The following VGLL4 variants were observed in gnomAD, a reference collection of about 807,000 sequenced individuals.
The protein encoded by VGLL4 is transcription cofactor vestigial-like protein 4.
Under a neutral mutation model 21.0 loss-of-function variants are expected in VGLL4, and 7 were observed. The ratio of observed to expected loss-of-function variants is 0.33; its 90% CI spans 0.19 to 0.63. VGLL4 has a LOEUF of 0.63. Ranked by LOEUF, VGLL4 falls within the 20% of genes least tolerant of loss-of-function variation. VGLL4 has a pLI of 0.78. For synonymous variants in VGLL4, 222 were observed against 173.2 expected (o/e 1.28, Z -2.21); for missense variants, 394 against 425.7 (o/e 0.93, Z 0.66).
At chr3:11,703,001 C>G in exon 2 of VGLL4, 1 of 1,612,998 alleles carries the variant, frequency 6.2e-7, no homozygotes, top group Non-Finnish European at 8.5e-7. Flanking sequence ...ACCAGAGATG[C>G]TGCCCTGGAC....
At chr3:11,711,979 T>C (rs895169712) in intron 1 of VGLL4, among the ~76,000 whole-genome samples, 4 of 152,104 alleles carry the variant, frequency 2.6e-5, no homozygotes, top group African/African-American at 7.2e-5. Flanking sequence ...CTCTTTCTCC[T>C]CCCCAGAGTG....
chr3:11,686,101 C>A (rs1040076365), intron 2 of VGLL4, among the ~76,000 whole-genome samples: 7 of 152,126 alleles, frequency 4.6e-5, no homozygotes, highest in Non-Finnish European at 1.0e-4. Context: ...ATGGTCCAGT[C>A]TCTATGGAAA....
intron 2 of VGLL4, among the ~76,000 whole-genome samples, chr3:11,692,527 C>T (rs1056967600): frequency 4.6e-5 from 7 of 152,148 alleles, no homozygotes; most frequent in East Asian, 1.9e-4. Context: ...AGAACAGAAA[C>T]ATCAGTGCTT....
intron 1 of VGLL4, among the ~76,000 whole-genome samples, chr3:11,643,190 T>C (rs1000672294): frequency 6.6e-6 from 1 of 152,152 alleles, no homozygotes; most frequent in Non-Finnish European, 1.5e-5. Flanking sequence ...CGCGAGTACG[T>C]TGCAAGCAAC....
intron 1 of VGLL4, among the ~76,000 whole-genome samples, chr3:11,713,880 ATGAATG>A (rs1431796386): frequency 6.6e-6 from 1 of 152,054 alleles, no homozygotes; most frequent in African/African-American, 2.4e-5. Flanking sequence ...GAAACACTGA[ATGAATG>A]CTCTGCTCAA....
intron 1 of VGLL4, among the ~76,000 whole-genome samples, chr3:11,610,045 C>T (rs2125282600): frequency 6.6e-6 from 1 of 152,258 alleles, no homozygotes; most frequent in Admixed American, 6.5e-5. Flanking sequence ...ATCAAAGAAG[C>T]AAAACCATAG....
chr3:11,603,258 A>G (rs2074850325), intron 1 of VGLL4, among the ~76,000 whole-genome samples: 1 of 152,190 alleles, frequency 6.6e-6, no homozygotes, highest in Non-Finnish European at 1.5e-5. Context: ...CAAGATATAA[A>G]CTAGCAAATA....
intron 2 of VGLL4, among the ~76,000 whole-genome samples, chr3:11,688,544 C>T (rs778576872): frequency 6.6e-6 from 1 of 152,164 alleles, no homozygotes; most frequent in Non-Finnish European, 1.5e-5. Flanking sequence ...GTATTCTCAT[C>T]TATATACATA....
In VGLL4 at chr3:11,556,085, T is replaced by C. The variant is rs1332232068; in HGVS notation, c.*2471A>G. On this transcript the variant is annotated 3_prime_UTR_variant, in exon 5 of 5. Transcript: ENST00000430365. ...TACACTATGTGGTTTAAGAGCACTT[T>C]ATTATTGTTCTTAAGGCTACTTTTA... 6.5e-6 allele frequency: 1 copy of C among 152,696 alleles called. No homozygotes were observed. The highest frequency in any genetic ancestry group is 6.5e-5 in the Admixed American group (1 of 15,280). 9.5% of individuals were successfully genotyped at this position (152,696 alleles called of 1,614,324 possible).
intron 1 of VGLL4, among the ~76,000 whole-genome samples, chr3:11,614,816 C>T (rs1275736549): frequency 2.0e-5 from 3 of 152,166 alleles, no homozygotes; most frequent in South Asian, 2.1e-4. Context: ...ACAAGTAAAG[C>T]GAGTAACTTA....
At chr3:11,578,750 T>TTTTC (rs1171346173) in intron 2 of VGLL4, among the ~76,000 whole-genome samples, 9 of 130,620 alleles carry the variant, frequency 6.9e-5, no homozygotes, top group South Asian at 5.1e-4. Context: ...TATATTTTCT[T>TTTTC]TTTTTTTTTT....
chr3:11,571,528 A>T (rs534360246), intron 2 of VGLL4, among the ~76,000 whole-genome samples: 4 of 152,192 alleles, frequency 2.6e-5, no homozygotes, highest in Admixed American at 6.5e-5. Context: ...TACAAAAAAT[A>T]CAAAAATTAG....
chr3:11,657,533 AT>A (rs11331348), intron 2 of VGLL4, among the ~76,000 whole-genome samples: 152,320 of 152,322 alleles, frequency 1, 76,159 homozygotes, highest in Non-Finnish European at 1. Flanking sequence ...TGGTGAGAGG[AT>A]CTTAACTAAC....
Position 11,565,037 on chromosome 3 carries a change from G to T in VGLL4, c.273-18C>A. On this transcript the variant is annotated intron_variant, in intron 2 of 4. Coordinates refer to ENST00000430365, the MANE Select transcript of VGLL4 (RefSeq NM_001128219.3). This position sits in a 1 kb window ranked among gnomAD's most constrained non-coding sequence, Gnocchi z 4.1. The stretch of plus-strand genomic sequence containing the variant: ...TCTTGTTCCTGAAAAAGAGGAATGG[G>T]CATTCAGGGGGCGTTTTCTCAAAGG... 1 of 1,467,860 alleles carries T rather than the reference G, an allele frequency of 6.8e-7. No homozygotes were observed. 90.9% of individuals were successfully genotyped at this position (1,467,860 alleles called of 1,614,324 possible).
At chr3:11,631,189 G>C (rs937727586) in intron 1 of VGLL4, among the ~76,000 whole-genome samples, 6 of 152,214 alleles carry the variant, frequency 3.9e-5, no homozygotes, top group African/African-American at 1.4e-4. Context: ...CAAAACAGTG[G>C]TTCTCTTTGG....
intron 2 of VGLL4, among the ~76,000 whole-genome samples, chr3:11,574,460 T>C (rs1031584627): frequency 8.6e-5 from 13 of 151,990 alleles, no homozygotes; most frequent in African/African-American, 2.2e-4. Context: ...GACCTGCCAG[T>C]AAGAAGCTGA....
intron 1 of VGLL4, among the ~76,000 whole-genome samples, chr3:11,625,442 T>C (rs1437935440): frequency 6.6e-6 from 1 of 152,240 alleles, no homozygotes; most frequent in Non-Finnish European, 1.5e-5. Context: ...ATTTTATCTA[T>C]ATCCATATCT....
chr3:11,658,304 C>A (rs1449988656), intron 2 of VGLL4, among the ~76,000 whole-genome samples: 1 of 152,004 alleles, frequency 6.6e-6, no homozygotes, highest in Non-Finnish European at 1.5e-5. Flanking sequence ...GGACTGTCTA[C>A]TCCCCAAAGC....
At chr3:11,578,093 G>C (rs773857580) in intron 2 of VGLL4, among the ~76,000 whole-genome samples, 2 of 152,174 alleles carry the variant, frequency 1.3e-5, no homozygotes, top group Admixed American at 6.5e-5. Flanking sequence ...CACCAGCGTA[G>C]ACAGTCTAAT....
Sources: allele counts gnomAD v4.1 joint callset (sites outside exome capture counted in the v4.1 genomes callset), GRCh38; gene constraint gnomAD v4.1.1; non-coding constraint Gnocchi (gnomAD v3.1); transcripts MANE v1.5; gene names NCBI Gene and HGNC (gene_info 2026-07-23, HGNC 2026-07-21).